The following RNF144A variants were observed in gnomAD, a reference collection of about 807,000 sequenced individuals.
RNF144A encodes the protein ring finger protein 144A.
RNF144A carries 11 observed loss-of-function variants against 38.7 expected under a neutral mutation model. The observed-to-expected ratio is 0.28, with a 90% CI of 0.18 to 0.47. The LOEUF (loss-of-function observed/expected upper bound fraction) is 0.47, where lower values mean the gene tolerates loss of function less well. RNF144A is among the 20% of genes least tolerant of loss of function. The probability of loss-of-function intolerance (pLI) is 0.99; values close to 1 mark genes in which losing one functional copy is unlikely to be tolerated. For missense variants in RNF144A, 316 were observed against 377.2 expected (o/e 0.84, Z 1.34); for synonymous variants, 149 against 143.9 (o/e 1.04, Z -0.25).
intron 5 of RNF144A, 103 bp downstream of exon 5, chr2:7,014,875 A>G (rs1671041782): frequency 2.5e-6 from 2 of 806,702 alleles, no homozygotes; most frequent in Non-Finnish European, 4.1e-6. Context: ...AGCATTTGAT[A>G]GGAGTTAAAA....
chr2:7,069,446 C>A (rs551221934), downstream of RNF144A, among the ~76,000 whole-genome samples: 3 of 152,220 alleles, frequency 2.0e-5, no homozygotes, highest in African/African-American at 7.2e-5. Context: ...ATTTTCCCTT[C>A]TGAGTGGCTT....
At chr2:6,954,941 C>T (rs762112749) in intron 2 of RNF144A, among the ~76,000 whole-genome samples, 35 of 152,134 alleles carry the variant, frequency 2.3e-4, no homozygotes, top group Non-Finnish European at 5.0e-4. Flanking sequence ...ATAAGGTGAC[C>T]CACACACTAC....
At chr2:6,985,203 C>T (rs1411477693) in intron 2 of RNF144A, among the ~76,000 whole-genome samples, 2 of 150,878 alleles carry the variant, frequency 1.3e-5, no homozygotes, top group Non-Finnish European at 2.9e-5. Flanking sequence ...TTCCGCGGGA[C>T]TTCCCCAGGT....
At chr2:7,052,745 G>C (rs188914946) in intron 6 of RNF144A, among the ~76,000 whole-genome samples, 1 of 151,980 alleles carries the variant, frequency 6.6e-6, no homozygotes, top group East Asian at 1.9e-4. Flanking sequence ...GGGTGGGGGG[G>C]AATCACTCGT....
chr2:7,039,935 GC>G lies in RNF144A; in HGVS notation c.*179del. On this transcript the variant is annotated 3_prime_UTR_variant, in exon 9 of 9. Coordinates refer to ENST00000320892, the MANE Select transcript of RNF144A (RefSeq NM_014746.6). The stretch of plus-strand genomic sequence containing the variant: ...GACCTATGTCACAATGTTCGCTGAG[GC>G]CCCAGGTGTGGTGGGGAGGGGAGGC... 7.0e-7 allele frequency: 1 copy of G among 1,419,512 alleles called. No homozygotes were observed. Among genetic ancestry groups the G allele is most frequent in the South Asian group, 1.5e-5 (1 of 66,364 alleles). The allele number at this position is 1,419,512 out of a possible 1,614,324, so 87.9% of individuals were successfully genotyped here. A position where few individuals can be genotyped will look rare whatever the true frequency, so the allele number is the denominator to read the frequency against.
At chr2:6,931,390 C>A (rs1181895950) in intron 1 of RNF144A, among the ~76,000 whole-genome samples, 1 of 152,212 alleles carries the variant, frequency 6.6e-6, no homozygotes, top group African/African-American at 2.4e-5. Flanking sequence ...GAAGGCCTGT[C>A]CAAAATGCAG....
chr2:6,920,047 A>T (rs530835523), intron 1 of RNF144A, among the ~76,000 whole-genome samples: 4 of 152,058 alleles, frequency 2.6e-5, no homozygotes, highest in Admixed American at 6.6e-5. Flanking sequence ...CTTTGAAGGG[A>T]CCTCACACTG....
intron 3 of RNF144A, among the ~76,000 whole-genome samples, chr2:7,010,908 T>G (rs1318987080): frequency 2.0e-5 from 3 of 151,930 alleles, no homozygotes; most frequent in Non-Finnish European, 4.4e-5. Context: ...GATCTGTGCA[T>G]GCCTCTTTCC....
In RNF144A at chr2:6,941,132, T is replaced by C. The variant is rs1218263519; in HGVS notation, c.-27T>C. ...CCTGAAGACATTTCCTCTCCTCCCC[T>C]CTGGATTTCTCAGAGGTAACTTTGA... On this transcript the variant is annotated 5_prime_UTR_variant, in exon 2 of 9. Transcript: ENST00000320892. This position sits in a 1 kb window ranked among gnomAD's most constrained non-coding sequence, Gnocchi z 6.5. The C allele has an allele frequency of 6.6e-6, 1 of 152,192 alleles. No homozygotes were observed. Among genetic ancestry groups the C allele is most frequent in the African/African-American group, 2.4e-5 (1 of 41,442 alleles). 9.4% of individuals were successfully genotyped at this position (152,192 alleles called of 1,614,324 possible).
downstream of RNF144A, among the ~76,000 whole-genome samples, chr2:7,046,190 A>G (rs10197391): frequency 0.11 from 16,493 of 152,266 alleles, 1,760 homozygotes; most frequent in African/African-American, 0.28. Context: ...GACAGTGTCC[A>G]TTACTCAGCT....
At chr2:7,067,852 C>T (rs1674297854) in intron 6 of RNF144A, among the ~76,000 whole-genome samples, 1 of 152,170 alleles carries the variant, frequency 6.6e-6, no homozygotes, top group African/African-American at 2.4e-5. Context: ...CTCCCCCACC[C>T]TTGATATCTG....
intron 3 of RNF144A, among the ~76,000 whole-genome samples, chr2:7,003,195 T>TG (rs1670224910): frequency 6.6e-6 from 1 of 152,138 alleles, no homozygotes; most frequent in Non-Finnish European, 1.5e-5. Context: ...GTTTACAAAG[T>TG]AAAAAAGTTA....
intron 8 of RNF144A, among the ~76,000 whole-genome samples, chr2:7,034,758 A>G (rs1037417125): frequency 3.9e-5 from 6 of 152,218 alleles, no homozygotes; most frequent in African/African-American, 9.6e-5. Context: ...TCAGACCATA[A>G]AAGTCCTAAA....
At chr2:7,016,495 G>T (rs781340138) in intron 5 of RNF144A, among the ~76,000 whole-genome samples, 15 of 151,406 alleles carry the variant, frequency 9.9e-5, no homozygotes, top group Non-Finnish European at 1.8e-4. Flanking sequence ...TAGTACTTTG[G>T]CTTAGTCAGA....
intron 5 of RNF144A, among the ~76,000 whole-genome samples, chr2:7,016,104 T>TAAAAAAAAAAA (rs35418947): frequency 8.7e-6 from 1 of 115,068 alleles, no homozygotes; most frequent in African/African-American, 3.2e-5. Flanking sequence ...ACCCCGTCTC[T>TAAAAAAAAAAA]AAAAAAAAAA....
Position 7,039,623 on chromosome 2 carries a change from T to C in RNF144A, c.748-6T>C, listed in dbSNP as rs1408390591. On this transcript the variant is annotated splice_region_variant and splice_polypyrimidine_tract_variant and intron_variant, in intron 8 of 8. Coordinates refer to ENST00000320892, the MANE Select transcript of RNF144A (RefSeq NM_014746.6). ...TTACCTCTACCCCTTTGTTTCTTTC[T>C]TCCAGGTTGTGGGCATTTTTGCAGG... 1 of 1,613,966 alleles carries C rather than the reference T, an allele frequency of 6.2e-7. No individual in the cohort carries two copies. Among genetic ancestry groups the C allele is most frequent in the Non-Finnish European group, 8.5e-7 (1 of 1,179,924 alleles).
At chr2:6,990,358 A>G (rs566329900) in intron 2 of RNF144A, among the ~76,000 whole-genome samples, 1 of 146,874 alleles carries the variant, frequency 6.8e-6, no homozygotes, top group South Asian at 2.2e-4. Context: ...ATTTAACCTT[A>G]ATTCCTTCCT....
chr2:6,934,901 G>T (rs1026008925), intron 1 of RNF144A, among the ~76,000 whole-genome samples: 11 of 152,140 alleles, frequency 7.2e-5, no homozygotes, highest in Admixed American at 2.6e-4. Context: ...CTGTGCTTTT[G>T]CCAATATTGT....
chr2:6,973,040 G>A (rs894278107), intron 2 of RNF144A, among the ~76,000 whole-genome samples: 1 of 152,186 alleles, frequency 6.6e-6, no homozygotes, highest in Non-Finnish European at 1.5e-5. Flanking sequence ...GAACTTTAAA[G>A]CCTCTATTTT....
Sources: allele counts gnomAD v4.1 joint callset (sites outside exome capture counted in the v4.1 genomes callset), GRCh38; gene constraint gnomAD v4.1.1; non-coding constraint Gnocchi (gnomAD v3.1); transcripts MANE v1.5; gene names NCBI Gene and HGNC (gene_info 2026-07-23, HGNC 2026-07-21).